Variants in CD1D observed in about 807,000 individuals in gnomAD.
The protein encoded by CD1D is antigen-presenting glycoprotein CD1d.
Under a neutral mutation model 42.1 loss-of-function variants are expected in CD1D, and 40 were observed. The observed-to-expected ratio is 0.95, with a 90% CI of 0.74 to 1.24. The LOEUF (loss-of-function observed/expected upper bound fraction) is 1.24, where lower values mean the gene tolerates loss of function less well. CD1D is among the 50% of genes most tolerant of loss of function. CD1D has a pLI of 0.00. For synonymous variants in CD1D, 178 were observed against 171.8 expected, an observed-to-expected ratio of 1.04 and a Z score of -0.28; for missense variants, 437 against 416.5, an observed-to-expected ratio of 1.05 and a Z score of -0.43.
chr1:158,183,033 C>T lies in CD1D; in HGVS notation c.763C>T (p.Pro255Ser), dbSNP rs371913497. ...GGGCACTCAGCCAGGGGACATCCTG[C>T]CCAATGCTGACGAGACATGGTATCT... is the stretch of plus-strand genomic sequence containing the variant. ...QQGTQPGDIL[P>S]NADETWYLRA... The change falls in exon 4 of 6, where the codon CCC (proline) becomes TCC (serine). Residue 255 changes from proline (P) to serine (S), a missense_variant. Transcript: ENST00000674085. The T allele has an allele frequency of 1.7e-5, 28 of 1,614,054 alleles. No individual in the cohort carries two copies. Among genetic ancestry groups the T allele is most frequent in the Non-Finnish European group, 2.2e-5 (26 of 1,180,052 alleles).
chr1:158,180,442 GGAAA>G (rs1648339315), upstream of CD1D, among the ~76,000 whole-genome samples: 1 of 152,128 alleles, frequency 6.6e-6, no homozygotes, highest in Admixed American at 6.5e-5. Flanking sequence ...CATGACAGGA[GGAAA>G]GAGAGGCTAG....
intron 1 of CD1D, 74 bp from the exon 2 acceptor site, chr1:158,181,380 TC>T (rs1648400764): frequency 6.3e-7 from 1 of 1,576,526 alleles, no homozygotes; most frequent in African/African-American, 1.3e-5. Context: ...TCCTCTTGTT[TC>T]TTTCTTCCTT....
At position 158,182,097 on chromosome 1, in the gene CD1D, T is replaced by C; in HGVS notation, c.394T>C (p.Phe132Leu). 8 of 1,614,128 alleles carry C rather than the reference T, an allele frequency of 5.0e-6. No homozygotes were observed. Among genetic ancestry groups the C allele is most frequent in the Non-Finnish European group, 6.8e-6 (8 of 1,179,998 alleles). The change falls in exon 3 of 6, where the codon TTC (phenylalanine) becomes CTC (leucine). Residue 132 changes from phenylalanine (F) to leucine (L), a missense_variant. Coordinates refer to ENST00000674085, the MANE Select transcript of CD1D (RefSeq NM_001371762.2). ...VHPGNASNNF[F>L]HVAFQGKDIL... ...CCCTGGGAACGCCTCAAATAACTTCTTCCATGTAGCATTTCAAGGAAAAGA... is the reference window on the plus strand; with the variant it reads ...CCCTGGGAACGCCTCAAATAACTTCCTCCATGTAGCATTTCAAGGAAAAGA...
chr1:158,184,059 TCAAC>T, intron 5 of CD1D, 24 bp downstream of exon 5: 1 of 1,613,438 alleles, frequency 6.2e-7, no homozygotes, highest in East Asian at 2.2e-5. Flanking sequence ...TTCCCTTTCC[TCAAC>T]CTCTCTCCCC....
chr1:158,180,798 C>G (rs1380312286), upstream of CD1D: 2 of 365,404 alleles, frequency 5.5e-6, no homozygotes, highest in Non-Finnish European at 9.8e-6. Context: ...ACACGTTGAC[C>G]CAAAGTCTCC....
At chr1:158,179,306 T>C (rs569368151), upstream of CD1D, among the ~76,000 whole-genome samples, 1 of 152,354 alleles carries the variant, frequency 6.6e-6, no homozygotes, top group African/African-American at 2.4e-5. Flanking sequence ...TTAAGCTTTT[T>C]TGGGCAAATT....
chr1:158,182,958 T>C lies in CD1D; in HGVS notation c.688T>C (p.Tyr230His). 1 of 1,614,174 alleles carries C rather than the reference T, an allele frequency of 6.2e-7. No individual in the cohort carries two copies. Among genetic ancestry groups the C allele is most frequent in the Non-Finnish European group, 8.5e-7 (1 of 1,180,018 alleles). The change falls in exon 4 of 6, where the codon TAC becomes CAC. Residue 230 changes from tyrosine to histidine, a missense_variant. Transcript: ENST00000674085. ...LLLVCHVSGFYPKPVWVKWMR... is the reference protein window; with the variant it reads ...LLLVCHVSGFHPKPVWVKWMR... ...GCTGGTGTGCCATGTCTCAGGATTCTACCCAAAGCCTGTATGGGTGAAGTG... is the reference window on the plus strand; with the variant it reads ...GCTGGTGTGCCATGTCTCAGGATTCCACCCAAAGCCTGTATGGGTGAAGTG...
upstream of CD1D, chr1:158,180,737 A>C (rs859011): frequency 2.1e-5 from 5 of 236,370 alleles, no homozygotes; most frequent in Non-Finnish European, 4.0e-5. Flanking sequence ...TAACACAGAC[A>C]CAACCTTATG....
chr1:158,182,976 G>C lies in CD1D; in HGVS notation c.706G>C (p.Val236Leu), dbSNP rs1346074244. The C allele has an allele frequency of 6.2e-7, 1 of 1,614,214 alleles. No homozygotes were observed. Among genetic ancestry groups the C allele is most frequent in the East Asian group, 2.2e-5 (1 of 44,876 alleles). The change falls in exon 4 of 6, where the codon GTG becomes CTG. Residue 236 changes from valine to leucine, a missense_variant. Coordinates refer to ENST00000674085, the MANE Select transcript of CD1D (RefSeq NM_001371762.2). ...VSGFYPKPVW[V>L]KWMRGEQEQQ... ...AGGATTCTACCCAAAGCCTGTATGGGTGAAGTGGATGCGGGGTGAGCAGGA... is the reference window on the plus strand; with the variant it reads ...AGGATTCTACCCAAAGCCTGTATGGCTGAAGTGGATGCGGGGTGAGCAGGA...
At position 158,185,164 on chromosome 1, in the gene CD1D, A is replaced by G. The variant is rs1231695492; in HGVS notation, c.*1014A>G. On this transcript the variant is annotated 3_prime_UTR_variant, in exon 6 of 6. Transcript: ENST00000674085. ...TGTGTTCTTATCTTAGAGAGGACAGAGCAGGAAACTTACAGGGGTAGCAGA... is the reference window on the plus strand; with the variant it reads ...TGTGTTCTTATCTTAGAGAGGACAGGGCAGGAAACTTACAGGGGTAGCAGA... Among the ~76,000 whole-genome samples the G allele has an allele frequency of 6.6e-6, 1 of 152,200 alleles. No individual in the cohort carries two copies. Among genetic ancestry groups the G allele is most frequent in the Non-Finnish European group, 1.5e-5 (1 of 68,032 alleles).
upstream of CD1D, among the ~76,000 whole-genome samples, chr1:158,178,618 A>AT (rs1306844769): frequency 2.0e-5 from 3 of 152,124 alleles, no homozygotes; most frequent in African/African-American, 7.2e-5. Flanking sequence ...TTTGACCAAA[A>AT]TTAACACATT....
intron 4 of CD1D, 39 bp downstream of exon 4, chr1:158,183,195 G>A (rs1648541246): frequency 2.6e-6 from 4 of 1,568,220 alleles, no homozygotes; most frequent in Non-Finnish European, 2.6e-6. Flanking sequence ...ATGGCAGGAG[G>A]TGGTCCTCAG....
At position 158,182,285 on chromosome 1, in the gene CD1D, A is replaced by C. The variant is rs1390254905; in HGVS notation, c.582A>C (p.Ser194=). The change falls in exon 3 of 6, where the codon TCA becomes TCC. Residue 194 remains serine (S), a synonymous_variant. Transcript: ENST00000674085. ...CPQFVSGLLE[S]GKSELKKQVK... The stretch of plus-strand genomic sequence containing the variant: ...AATTTGTCAGTGGCCTCCTTGAGTC[A>C]GGGAAGTCGGAACTGAAGAAGCAAG... 1 of 1,614,154 alleles carries C rather than the reference A, an allele frequency of 6.2e-7. No individual in the cohort carries two copies. Among genetic ancestry groups the C allele is most frequent in the East Asian group, 2.2e-5 (1 of 44,880 alleles).
In CD1D at chr1:158,180,986, T is replaced by C; in HGVS notation, c.-116T>C. On this transcript the variant is annotated 5_prime_UTR_variant, in exon 1 of 6. Coordinates refer to ENST00000674085, the MANE Select transcript of CD1D (RefSeq NM_001371762.2). ...GAGGAGGGCTGCCGGGGTCTGGGCT[T>C]GGGAATTGGCTGGCACCCAGCGGAA... The C allele has an allele frequency of 4.2e-6, 4 of 955,942 alleles. No individual in the cohort carries two copies. The highest frequency in any genetic ancestry group is 5.9e-6 in the Non-Finnish European group (4 of 676,022). The allele number at this position is 955,942 out of a possible 1,614,324, so 59.2% of individuals were successfully genotyped here. A position where few individuals can be genotyped will look rare whatever the true frequency, so the allele number is the denominator to read the frequency against.
In CD1D at chr1:158,184,221, G is replaced by A; in HGVS notation, c.*71G>A. 1 of 1,465,010 alleles carries A rather than the reference G, an allele frequency of 6.8e-7. No individual in the cohort carries two copies. Among genetic ancestry groups the A allele is most frequent in the Non-Finnish European group, 9.5e-7 (1 of 1,047,946 alleles). The allele number at this position is 1,465,010 out of a possible 1,614,324, so 90.8% of individuals were successfully genotyped here. On this transcript the variant is annotated 3_prime_UTR_variant, in exon 6 of 6. Transcript: ENST00000674085. ...CTCAGGTTCCTAAGACTTCAGTCCT[G>A]GTCTGCTCAGGAATTGAAGATGTAA...
chr1:158,179,226 T>G (rs1648285267), upstream of CD1D, among the ~76,000 whole-genome samples: 1 of 152,240 alleles, frequency 6.6e-6, no homozygotes, highest in South Asian at 2.1e-4. Context: ...ATCCATTATT[T>G]AGGCAATTTT....
intron 2 of CD1D, 55 bp from the exon 3 acceptor site, chr1:158,181,977 C>A: frequency 2.0e-6 from 3 of 1,528,252 alleles, no homozygotes; most frequent in Non-Finnish European, 2.6e-6. Flanking sequence ...TCTTCTCTTT[C>A]ATCTCTCCCA....
chr1:158,181,625 G>A lies in CD1D; in HGVS notation c.232G>A (p.Asp78Asn), dbSNP rs755775062. Residue 78 changes from aspartate (D) to asparagine (N), a missense_variant, in exon 2 of 6, where the codon GAC becomes AAC. By Grantham distance (23) the Asp-to-Asn change is conservative. Transcript: ENST00000674085. ...LKPWSQGTFSDQQWETLQHIF... is the reference protein window; with the variant it reads ...LKPWSQGTFSNQQWETLQHIF... ...GCCTTGGTCCCAGGGCACGTTCAGC[G>A]ACCAGCAGTGGGAGACGCTGCAGCA... 1.2e-6 allele frequency: 2 copies of A among 1,614,104 alleles called. No homozygotes were observed. Among genetic ancestry groups the A allele is most frequent in the Non-Finnish European group, 1.7e-6 (2 of 1,180,034 alleles).
upstream of CD1D, among the ~76,000 whole-genome samples, chr1:158,178,785 A>G (rs952405261): frequency 2.6e-5 from 4 of 152,184 alleles, no homozygotes; most frequent in African/African-American, 9.7e-5. Flanking sequence ...GTGCTAGGGT[A>G]TTCTGAGTCA....
Sources: allele counts gnomAD v4.1 joint callset (sites outside exome capture counted in the v4.1 genomes callset), GRCh38; gene constraint gnomAD v4.1.1; transcripts MANE v1.5; gene names NCBI Gene and HGNC (gene_info 2026-07-23, HGNC 2026-07-21).